The following ZFHX3 variants were observed in gnomAD, a reference collection of about 807,000 sequenced individuals.
ZFHX3 encodes zinc finger homeobox 3, also known as zinc finger homeobox protein 3.
Under a neutral mutation model 279.1 loss-of-function variants are expected in ZFHX3, and 42 were observed. The ratio of observed to expected loss-of-function variants is 0.15; its 90% confidence interval spans 0.12 to 0.19. ZFHX3 has a LOEUF of 0.19. ZFHX3 is among the 10% of genes least tolerant of loss of function. ZFHX3 has a pLI of 1.00. For synonymous variants in ZFHX3, 2,293 were observed against 1,957.8 expected (o/e 1.17, Z -4.52); for missense variants, 4,981 against 4,754.0 (o/e 1.05, Z -1.40).
At chr16:73,320,182 T>C (rs1270995145) in intron 3 of ZFHX3, among the ~76,000 whole-genome samples, 1 of 152,156 alleles carries the variant, frequency 6.6e-6, no homozygotes, top group Admixed American at 6.5e-5. Flanking sequence ...ATTCAGAAGG[T>C]AGACAATGAG....
intron 1 of ZFHX3, among the ~76,000 whole-genome samples, chr16:73,739,181 G>A (rs2053632911): frequency 6.6e-6 from 1 of 152,174 alleles, no homozygotes; most frequent in South Asian, 2.1e-4. Context: ...AAACACCAAA[G>A]CAGTTTCTGC....
intron 3 of ZFHX3, among the ~76,000 whole-genome samples, chr16:73,438,352 T>C (rs576319846): frequency 3.9e-5 from 6 of 152,324 alleles, no homozygotes; most frequent in Non-Finnish European, 8.8e-5. Flanking sequence ...ATGCTGATAA[T>C]GCAGTCACTG....
chr16:72,917,795 AT>A (rs995720251), intron 3 of ZFHX3, among the ~76,000 whole-genome samples: 7 of 152,106 alleles, frequency 4.6e-5, no homozygotes, highest in African/African-American at 7.2e-5. Context: ...CATTTCCAAA[AT>A]TTTTTTTACA....
chr16:73,195,009 T>C (rs1968113884), intron 5 of ZFHX3, among the ~76,000 whole-genome samples: 1 of 152,238 alleles, frequency 6.6e-6, no homozygotes, highest in African/African-American at 2.4e-5. Context: ...GATGACCTCA[T>C]TATAATTTGG....
At chr16:73,731,892 C>G (rs2053572672) in intron 1 of ZFHX3, among the ~76,000 whole-genome samples, 1 of 152,162 alleles carries the variant, frequency 6.6e-6, no homozygotes, top group Non-Finnish European at 1.5e-5. Context: ...AAGAGCTCAG[C>G]ATATTCTGAA....
chr16:73,601,299 C>CAAAAAAAA (rs1217744713), intron 2 of ZFHX3, among the ~76,000 whole-genome samples: 4 of 60,466 alleles, frequency 6.6e-5, no homozygotes, highest in African/African-American at 1.1e-4. Context: ...ACTAAAAATA[C>CAAAAAAAA]AAAAAAAAAA....
intron 3 of ZFHX3, among the ~76,000 whole-genome samples, chr16:72,923,261 T>C (rs939795708): frequency 6.6e-6 from 1 of 151,988 alleles, no homozygotes; most frequent in Admixed American, 6.5e-5. Context: ...CTGGGCAACA[T>C]GGCGAAAGCC....
At chr16:73,554,582 C>T (rs1043383833) in intron 2 of ZFHX3, 13 of 152,164 alleles carry the variant, frequency 8.5e-5, no homozygotes, top group Non-Finnish European at 1.5e-4. Flanking sequence ...ATAAAACTTT[C>T]ATTTTTAAAT....
chr16:73,575,709 T>C (rs1001407649), intron 2 of ZFHX3, among the ~76,000 whole-genome samples: 2 of 152,184 alleles, frequency 1.3e-5, no homozygotes, highest in African/African-American at 4.8e-5. Flanking sequence ...GCTTTGCTTG[T>C]CTTGCCCTTT....
intron 1 of ZFHX3, among the ~76,000 whole-genome samples, chr16:73,775,833 C>T (rs905163294): frequency 4.6e-5 from 7 of 152,132 alleles, no homozygotes; most frequent in East Asian, 3.9e-4. Context: ...TGATGGGGCC[C>T]CCAGTAGAAC....
intron 3 of ZFHX3, among the ~76,000 whole-genome samples, chr16:72,944,241 C>T (rs377026487): frequency 1.3e-5 from 2 of 152,130 alleles, no homozygotes; most frequent in African/African-American, 2.4e-5. Flanking sequence ...GCCGAGATCA[C>T]GCCACTGCAC....
intron 3 of ZFHX3, among the ~76,000 whole-genome samples, chr16:73,434,884 T>C (rs1451834124): frequency 6.6e-6 from 1 of 152,198 alleles, no homozygotes; most frequent in African/African-American, 2.4e-5. Context: ...CATGGCTATT[T>C]ACACGGGGCA....
chr16:73,712,521 G>C (rs1338827870), intron 1 of ZFHX3, among the ~76,000 whole-genome samples: 1 of 152,200 alleles, frequency 6.6e-6, no homozygotes. Flanking sequence ...TGTGACTCTT[G>C]ATTTGGAGGG....
rs185480715 is a variant in ZFHX3, at chr16:73,240,826, G to A, written c.-1104+16221C>T. ...TAATACATACTATCAGGATATACTA[G>A]TGAAAGAGTAGAGTTTTGCTTATTT... On this transcript the variant is annotated intron_variant, in intron 5 of 17. Coordinates refer to the ZFHX3 transcript ENST00000641206. 1.2e-4 allele frequency among the ~76,000 whole-genome samples: 19 copies of A among 152,324 alleles called. No homozygotes were observed. In the East Asian group the frequency reaches 3.7e-3, roughly 29 times the overall value.
At chr16:73,235,631 T>C (rs937566756) in intron 5 of ZFHX3, among the ~76,000 whole-genome samples, 3 of 152,040 alleles carry the variant, frequency 2.0e-5, no homozygotes, top group Non-Finnish European at 4.4e-5. Flanking sequence ...CTTCCACTGT[T>C]CCAAGAGGTG....
chr16:73,506,300 G>A (rs889192756), intron 2 of ZFHX3, among the ~76,000 whole-genome samples: 4 of 152,150 alleles, frequency 2.6e-5, no homozygotes, highest in Non-Finnish European at 5.9e-5. Flanking sequence ...CAGTATGTAG[G>A]AATGCCTAAG....
chr16:73,798,212 T>C (rs1355565688), intron 1 of ZFHX3, among the ~76,000 whole-genome samples: 1 of 152,156 alleles, frequency 6.6e-6, no homozygotes, highest in Non-Finnish European at 1.5e-5. Flanking sequence ...TTTGTTGTGT[T>C]ACTATTTATT....
At position 73,300,424 on chromosome 16, in the gene ZFHX3, G is replaced by A. The variant is rs935625681; in HGVS notation, c.-1194+17816C>T. Among the ~76,000 whole-genome samples the A allele has an allele frequency of 5.3e-5, 8 of 152,278 alleles. No individual in the cohort carries two copies. In the East Asian group the frequency reaches 1.5e-3, roughly 29 times the overall value. On this transcript the variant is annotated intron_variant, in intron 4 of 17. Transcript: ENST00000641206. ...TACCTAGAGGACACTGAGGCATAAAGATGTCCTGCAGGTGTGGCCCATAGG... is the reference window on the plus strand; with the variant it reads ...TACCTAGAGGACACTGAGGCATAAAAATGTCCTGCAGGTGTGGCCCATAGG...
chr16:73,615,699 G>C (rs1419978559), intron 2 of ZFHX3, among the ~76,000 whole-genome samples: 1 of 152,178 alleles, frequency 6.6e-6, no homozygotes, highest in East Asian at 1.9e-4. Context: ...CAGGATCTCT[G>C]CTATATTTGC....
Sources: gnomAD v4.1 joint callset for allele counts (sites outside exome capture counted in the v4.1 genomes callset) on GRCh38, gnomAD v4.1.1 for gene constraint, MANE v1.5 for transcripts, NCBI Gene and HGNC (gene_info 2026-07-23, HGNC 2026-07-21) for gene names.